PRKAB2: variants seen among roughly 807,000 people sequenced by gnomAD.
PRKAB2 encodes protein kinase AMP-activated non-catalytic subunit beta 2.
A neutral mutation model predicts 29.8 loss-of-function variants in PRKAB2; 18 were observed. The ratio of observed to expected loss-of-function variants is 0.60; its 90% CI spans 0.42 to 0.89. PRKAB2 has a LOEUF of 0.89. Ranked by LOEUF, PRKAB2 falls within the 40% of genes least tolerant of loss-of-function variation. PRKAB2 has a pLI of 0.00. For synonymous variants in PRKAB2, 136 were observed against 125.9 expected (o/e 1.08, Z -0.54); for missense variants, 270 against 344.3 (o/e 0.78, Z 1.71).
At chr1:147,169,929 G>A (rs922921687) in intron 2 of PRKAB2, among the ~76,000 whole-genome samples, 7 of 152,178 alleles carry the variant, frequency 4.6e-5, no homozygotes, top group Admixed American at 6.5e-5. Context: ...GTTTCTGTCA[G>A]TTACTTTTAT....
Position 147,166,897 on chromosome 1 carries a change from C to T in PRKAB2, c.366G>A (p.Glu122=), listed in dbSNP as rs1553913773. 1.2e-6 allele frequency: 2 copies of T among 1,614,104 alleles called. No individual in the cohort carries two copies. Among genetic ancestry groups the T allele is most frequent in the African/African-American group, 1.3e-5 (1 of 75,026 alleles). The change falls in exon 4 of 8, where the codon GAG becomes GAA. Residue 122 remains glutamate (E), a synonymous_variant. Transcript: ENST00000254101. ...CATCCACAAAGAACTTGTATTGGTG[C>T]TCTCCCTCAGGGAGGTCCAGGATGG... ...FVAILDLPEG[E]HQYKFFVDGQ...
Position 147,167,067 on chromosome 1 carries a change from T to TA in PRKAB2, c.324-129dup, listed in dbSNP as rs1243542521. ...TCCTAAGCCATTGTATCCCCTGGTG[T>TA]AAAAAACAACGTATAAACCCATTCT... On this transcript the variant is annotated intron_variant, in intron 3 of 7. Coordinates refer to ENST00000254101, the MANE Select transcript of PRKAB2 (RefSeq NM_005399.5). 4 of 739,142 alleles carry TA rather than the reference T, an allele frequency of 5.4e-6. No homozygotes were observed. In the Admixed American group the frequency reaches 7.7e-5, roughly 14 times the overall value. 45.8% of individuals were successfully genotyped at this position (739,142 alleles called of 1,614,324 possible).
Position 147,157,377 on chromosome 1 carries a change from G to C in PRKAB2, c.*2188C>G, listed in dbSNP as rs1181987086. 1 of 152,044 alleles carries C rather than the reference G, an allele frequency of 6.6e-6. No homozygotes were observed. Among genetic ancestry groups the C allele is most frequent in the African/African-American group, 2.4e-5 (1 of 41,392 alleles). 9.4% of individuals were successfully genotyped at this position (152,044 alleles called of 1,614,324 possible). On this transcript the variant is annotated 3_prime_UTR_variant, in exon 8 of 8. Transcript: ENST00000254101. ...TGGGCTGAGAGTTACCTCAGAACTT[G>C]GGAAACTGACACTCTCTGCACATTT... is the stretch of plus-strand genomic sequence containing the variant.
In PRKAB2 at chr1:147,157,430, G is replaced by A. The variant is rs1385824577; in HGVS notation, c.*2135C>T. ...AGAGAGAAAGATCTGAAGATCACTA[G>A]CATCAAAACCTACTGTCACAGGGGG... On this transcript the variant is annotated 3_prime_UTR_variant, in exon 8 of 8. Transcript: ENST00000254101. 1 of 152,130 alleles carries A rather than the reference G, an allele frequency of 6.6e-6. No individual in the cohort carries two copies. Among genetic ancestry groups the A allele is most frequent in the Non-Finnish European group, 1.5e-5 (1 of 68,022 alleles). The allele number at this position is 152,130 out of a possible 1,614,324, so 9.4% of individuals were successfully genotyped here.
chr1:147,163,555 C>A (rs189199981), intron 5 of PRKAB2, among the ~76,000 whole-genome samples: 3 of 152,010 alleles, frequency 2.0e-5, no homozygotes, highest in Admixed American at 6.6e-5. Context: ...CATGGATGAA[C>A]CCTGAAAACA....
rs1350195192 is a variant in PRKAB2, at chr1:147,158,043, G to A, written c.*1522C>T. 2 of 152,136 alleles carry A rather than the reference G, an allele frequency of 1.3e-5. No individual in the cohort carries two copies. Among genetic ancestry groups the A allele is most frequent in the Non-Finnish European group, 2.9e-5 (2 of 68,016 alleles). 9.4% of individuals were successfully genotyped at this position (152,136 alleles called of 1,614,324 possible). On this transcript the variant is annotated 3_prime_UTR_variant, in exon 8 of 8. Transcript: ENST00000254101. Reference sequence around the variant, plus strand: ...CCTTTCAGTGTGGCTAGGGTCATCTGAGCAGTCAGGGAGTCTCTCATTCAT... The same window carrying A: ...CCTTTCAGTGTGGCTAGGGTCATCTAAGCAGTCAGGGAGTCTCTCATTCAT...
chr1:147,157,801 G>T lies in PRKAB2; in HGVS notation c.*1764C>A, dbSNP rs1653750362. The T allele has an allele frequency of 7.4e-6, 1 of 134,474 alleles. No individual in the cohort carries two copies. Among genetic ancestry groups the T allele is most frequent in the Non-Finnish European group, 1.6e-5 (1 of 64,454 alleles). 8.3% of individuals were successfully genotyped at this position (134,474 alleles called of 1,614,324 possible). A position where few individuals can be genotyped will look rare whatever the true frequency, so the allele number is the denominator to read the frequency against. Reference sequence around the variant, plus strand: ...GGAACATAAAAGGTTCTCCACAAAAGCCTTTTGCTGCAGAAGGTGGCCTTG... The same window carrying T: ...GGAACATAAAAGGTTCTCCACAAAATCCTTTTGCTGCAGAAGGTGGCCTTG... On this transcript the variant is annotated 3_prime_UTR_variant, in exon 8 of 8. Coordinates refer to ENST00000254101, the MANE Select transcript of PRKAB2 (RefSeq NM_005399.5).
chr1:147,166,840 C>G lies in PRKAB2; in HGVS notation c.417+6G>C. The stretch of plus-strand genomic sequence containing the variant: ...CAATGGTTACCCTTGGAGATCAAGG[C>G]CTTACCTCTGATGGATCATGAACCC... On this transcript the variant is annotated splice_donor_region_variant and intron_variant, in intron 4 of 7. Transcript: ENST00000254101. The G allele has an allele frequency of 1.2e-6, 2 of 1,611,260 alleles. No homozygotes were observed. The highest frequency in any genetic ancestry group is 1.7e-6 in the Non-Finnish European group (2 of 1,177,402).
intron 2 of PRKAB2, among the ~76,000 whole-genome samples, chr1:147,169,908 C>T (rs1654433465): frequency 6.6e-6 from 1 of 152,196 alleles, no homozygotes; most frequent in Non-Finnish European, 1.5e-5. Context: ...AAAGTAGGCC[C>T]CCCTGCCACT....
At chr1:147,163,797 A>G (rs1553913357) in intron 5 of PRKAB2, among the ~76,000 whole-genome samples, 2 of 152,168 alleles carry the variant, frequency 1.3e-5, no homozygotes, top group African/African-American at 2.4e-5. Flanking sequence ...GAATATACTA[A>G]AAATTACTGA....
chr1:147,167,481 A>C (rs782351554), intron 3 of PRKAB2, among the ~76,000 whole-genome samples: 6 of 152,232 alleles, frequency 3.9e-5, no homozygotes, highest in South Asian at 2.1e-4. Context: ...GTTACAAAAG[A>C]CTTCCCACAA....
intron 5 of PRKAB2, among the ~76,000 whole-genome samples, chr1:147,164,563 A>G (rs1429458260): frequency 7.2e-5 from 11 of 152,232 alleles, no homozygotes; most frequent in Non-Finnish European, 1.2e-4. Context: ...GAAACCTTAC[A>G]AAGTATTATG....
At position 147,167,874 on chromosome 1, in the gene PRKAB2, G is replaced by A. The variant is rs781964298; in HGVS notation, c.216C>T (p.Pro72=). 6.2e-7 allele frequency: 1 copy of A among 1,614,126 alleles called. No homozygotes were observed. The highest frequency in any genetic ancestry group is 8.5e-7 in the Non-Finnish European group (1 of 1,179,998). ...TAACAGTGGGCCGGGCCTGCTGTGTGGGCTTTACGGAGTCCTCCAAATCCT... is the reference window on the plus strand; with the variant it reads ...TAACAGTGGGCCGGGCCTGCTGTGTAGGCTTTACGGAGTCCTCCAAATCCT... ...WQQDLEDSVK[P]TQQARPTVIR... Residue 72 remains proline (P), a synonymous_variant, in exon 3 of 8, where the codon CCC becomes CCT. Coordinates refer to ENST00000254101, the MANE Select transcript of PRKAB2 (RefSeq NM_005399.5).
At chr1:147,161,925 G>C in intron 6 of PRKAB2, 145 bp from the exon 7 acceptor site, 1 of 629,522 alleles carries the variant, frequency 1.6e-6, no homozygotes, top group Admixed American at 3.1e-5. Context: ...ACCCACTCTA[G>C]TATGTATCAA....
Position 147,159,545 on chromosome 1 carries a change from A to G in PRKAB2, c.*20T>C, listed in dbSNP as rs782275599. On this transcript the variant is annotated 3_prime_UTR_variant, in exon 8 of 8. Coordinates refer to ENST00000254101, the MANE Select transcript of PRKAB2 (RefSeq NM_005399.5). ...AGGGAGATGCTTCTCCTGAATCCTTAGAGGCAAGAAGGGATCCCTTCAAAT... is the reference window on the plus strand; with the variant it reads ...AGGGAGATGCTTCTCCTGAATCCTTGGAGGCAAGAAGGGATCCCTTCAAAT... 1.8e-5 allele frequency: 29 copies of G among 1,599,490 alleles called. No individual in the cohort carries two copies. The highest frequency in any genetic ancestry group is 2.7e-5 in the African/African-American group (2 of 74,532).
chr1:147,166,233 T>C (rs1277023844), intron 5 of PRKAB2, among the ~76,000 whole-genome samples: 1 of 152,128 alleles, frequency 6.6e-6, no homozygotes, highest in Non-Finnish European at 1.5e-5. Context: ...CATTAGTGAT[T>C]ATAAAAGATA....
At chr1:147,169,838 T>C (rs1401627019) in intron 2 of PRKAB2, among the ~76,000 whole-genome samples, 1 of 152,200 alleles carries the variant, frequency 6.6e-6, no homozygotes, top group Non-Finnish European at 1.5e-5. Flanking sequence ...GTGATTCTAA[T>C]GTGCAAACAG....
intron 4 of PRKAB2, 94 bp from the exon 5 acceptor site, chr1:147,166,712 T>C: frequency 6.4e-7 from 1 of 1,566,038 alleles, no homozygotes; most frequent in Non-Finnish European, 8.7e-7. Flanking sequence ...ACACGATTGT[T>C]CTCAGCACCT....
chr1:147,164,729 T>C (rs1250815779), intron 5 of PRKAB2, among the ~76,000 whole-genome samples: 1 of 152,206 alleles, frequency 6.6e-6, no homozygotes, highest in African/African-American at 2.4e-5. Flanking sequence ...CTAAAATCCA[T>C]TATCTGTAGA....
Sources: gnomAD v4.1 joint callset for allele counts (sites outside exome capture counted in the v4.1 genomes callset) on GRCh38, gnomAD v4.1.1 for gene constraint, MANE v1.5 for transcripts, NCBI Gene and HGNC (gene_info 2026-07-23, HGNC 2026-07-21) for gene names.